The following TSNAXIP1 variants were observed in gnomAD, a reference collection of about 807,000 sequenced individuals.
TSNAXIP1 encodes translin-associated factor X-interacting protein 1.
In TSNAXIP1, 89 loss-of-function variants were observed where a neutral mutation model predicts 84.8. The observed-to-expected ratio is 1.05, with a 90% CI of 0.88 to 1.25. The LOEUF is 1.25. Ranked by LOEUF, TSNAXIP1 falls within the 50% of genes most tolerant of loss-of-function variation. The pLI, the probability that TSNAXIP1 is intolerant of heterozygous loss-of-function variation, is 0.00. For missense variants in TSNAXIP1, 874 were observed against 887.6 expected (o/e 0.98, Z 0.20); for synonymous variants, 347 against 335.2 (o/e 1.04, Z -0.39).
intron 2 of TSNAXIP1, among the ~76,000 whole-genome samples, chr16:67,817,572 G>A (rs952149037): frequency 1.4e-5 from 2 of 146,664 alleles, no homozygotes; most frequent in Non-Finnish European, 3.0e-5. Flanking sequence ...AAGCCACCGC[G>A]CCCGGCCAAG....
intron 1 of TSNAXIP1, among the ~76,000 whole-genome samples, chr16:67,813,470 C>T (rs1598004048): frequency 6.6e-6 from 1 of 151,362 alleles, no homozygotes; most frequent in Non-Finnish European, 1.5e-5. Flanking sequence ...CACAGTGGCT[C>T]ACGCCTGTAA....
Position 67,806,983 on chromosome 16 carries a change from C to T in TSNAXIP1, c.-167C>T, listed in dbSNP as rs1239081510. On this transcript the variant is annotated 5_prime_UTR_variant, in exon 1 of 16. Coordinates refer to ENST00000561639, the MANE Select transcript of TSNAXIP1 (RefSeq NM_001288990.3). Reference sequence around the variant, plus strand: ...GCCGGGTCCCAGTCCACCTTTGCTACTTTGTCCTACTCCCAGCCCGCGGGC... The same window carrying T: ...GCCGGGTCCCAGTCCACCTTTGCTATTTTGTCCTACTCCCAGCCCGCGGGC... 4 of 1,139,026 alleles carry T rather than the reference C, an allele frequency of 3.5e-6. No homozygotes were observed. Among genetic ancestry groups the T allele is most frequent in the Non-Finnish European group, 4.8e-6 (4 of 829,706 alleles). 70.6% of individuals were successfully genotyped at this position (1,139,026 alleles called of 1,614,324 possible).
Position 67,821,222 on chromosome 16 carries a change from G to A in TSNAXIP1, c.384G>A (p.Leu128=), listed in dbSNP as rs2057025045. The change falls in exon 4 of 16, where the codon CTG becomes CTA. Residue 128 remains leucine, a synonymous_variant. Coordinates refer to ENST00000561639, the MANE Select transcript of TSNAXIP1 (RefSeq NM_001288990.3). Reference sequence around the variant, plus strand: ...CAGATTCCACCCAGGAACTAAGGCTGCAGGTCAGAGCCACAGAAGAAACTT... The same window carrying A: ...CAGATTCCACCCAGGAACTAAGGCTACAGGTCAGAGCCACAGAAGAAACTT... ...LGTDSTQELR[L]QPYREIFEFF... is the part of the protein sequence containing the mutation. 1.9e-6 allele frequency: 3 copies of A among 1,574,718 alleles called. No individual in the cohort carries two copies.
At chr16:67,810,922 G>A (rs1471989920) in intron 1 of TSNAXIP1, among the ~76,000 whole-genome samples, 1 of 151,334 alleles carries the variant, frequency 6.6e-6, no homozygotes, top group Non-Finnish European at 1.5e-5. Flanking sequence ...TGTATTTTTA[G>A]TAGACAGGGT....
chr16:67,807,377 A>G (rs2055542266), intron 1 of TSNAXIP1, 181 bp downstream of exon 1: 1 of 1,530,990 alleles, frequency 6.5e-7, no homozygotes, highest in Non-Finnish European at 8.7e-7. Flanking sequence ...GTTACGTGCT[A>G]GCAAAACGGT....
chr16:67,826,900 T>C, intron 12 of TSNAXIP1, 56 bp downstream of exon 12: 2 of 1,612,448 alleles, frequency 1.2e-6, no homozygotes, highest in Non-Finnish European at 1.7e-6. Context: ...GTCCCTAGCA[T>C]AGACCAGCTT....
intron 2 of TSNAXIP1, among the ~76,000 whole-genome samples, chr16:67,816,472 A>T (rs994112780): frequency 1.3e-5 from 2 of 152,124 alleles, no homozygotes; most frequent in Non-Finnish European, 2.9e-5. Flanking sequence ...TTGGAAACAC[A>T]TGGGCCACAC....
chr16:67,807,735 G>T, intron 1 of TSNAXIP1: 1 of 209,740 alleles, frequency 4.8e-6, no homozygotes, highest in Non-Finnish European at 1.0e-5. Context: ...CTCCCACTTC[G>T]ACCTCTCAAA....
rs1190285857 is a variant in TSNAXIP1 at position 67,811,436 on chromosome 16, C to CTTTTTTTTTTT, written c.48-2853_48-2843dup. On this transcript the variant is annotated intron_variant, in intron 1 of 15. Transcript: ENST00000561639. ...AACAGAGTTTGGAGAATTGATTAGT[C>CTTTTTTTTTTT]TTTTTTTTTTTTTTTTTTTTTTTGA... Among the ~76,000 whole-genome samples the CTTTTTTTTTTT allele has an allele frequency of 1.8e-4, 18 of 101,978 alleles. 1 individual carries two copies. Among genetic ancestry groups the CTTTTTTTTTTT allele is most frequent in the African/African-American group, 7.0e-4 (16 of 22,714 alleles). 66.9% of individuals were successfully genotyped at this position (101,978 alleles called of 152,430 possible).
chr16:67,823,594 C>A, intron 4 of TSNAXIP1, 32 bp from the exon 5 acceptor site: 1 of 1,578,792 alleles, frequency 6.3e-7, no homozygotes, highest in Non-Finnish European at 8.7e-7. Flanking sequence ...CAGCTGTGGG[C>A]TAGGAGATGA....
At chr16:67,815,136 C>A (rs1036032602) in intron 2 of TSNAXIP1, among the ~76,000 whole-genome samples, 5 of 151,764 alleles carry the variant, frequency 3.3e-5, no homozygotes, top group Non-Finnish European at 5.9e-5. Flanking sequence ...GCCAACATGG[C>A]GAAACCCCAT....
At position 67,824,697 on chromosome 16, in the gene TSNAXIP1, TCTCCCTG is replaced by T. The variant is rs757936225; in HGVS notation, c.600_606del (p.Leu201ArgfsTer5). Reference sequence around the variant, plus strand: ...ATGAGAGCTGAGGAGAAATATGAAATCTCCCTGCTCAAGAAAGAGAAGATGAACTTGC... The same window carrying T: ...ATGAGAGCTGAGGAGAAATATGAAATCTCAAGAAAGAGAAGATGAACTTGC... On this transcript the variant is annotated frameshift_variant, in exon 6 of 16. Coordinates refer to ENST00000561639, the MANE Select transcript of TSNAXIP1 (RefSeq NM_001288990.3). LOFTEE classifies it high-confidence loss of function. The T allele has an allele frequency of 6.2e-7, 1 of 1,613,632 alleles. No homozygotes were observed. The highest frequency in any genetic ancestry group is 1.7e-5 in the Admixed American group (1 of 59,954).
rs745879511 is a variant in TSNAXIP1 at position 67,824,568 on chromosome 16, C to T, written c.482-15C>T. The stretch of plus-strand genomic sequence containing the variant: ...CCATGGCCCCAAAGCAGCTCTCCCA[C>T]CTGTCTCTGCTTAGCCCACCAAAGG... On this transcript the variant is annotated splice_polypyrimidine_tract_variant and intron_variant, in intron 5 of 15. Transcript: ENST00000561639. The T allele has an allele frequency of 2.5e-6, 4 of 1,611,510 alleles. No individual in the cohort carries two copies. The highest frequency in any genetic ancestry group is 2.2e-5 in the East Asian group (1 of 44,842).
At chr16:67,825,525 C>T (rs983830755) in intron 7 of TSNAXIP1, 142 bp from the exon 8 acceptor site, 1 of 1,274,130 alleles carries the variant, frequency 7.8e-7, no homozygotes, top group Non-Finnish European at 1.1e-6. Flanking sequence ...GTTTCCTGGG[C>T]TTCTAGACTT....
intron 4 of TSNAXIP1, among the ~76,000 whole-genome samples, chr16:67,822,731 C>T (rs2057161161): frequency 6.6e-6 from 1 of 152,188 alleles, no homozygotes; most frequent in Non-Finnish European, 1.5e-5. Context: ...TGTGCAAGTG[C>T]AAGGCCCTGG....
intron 2 of TSNAXIP1, among the ~76,000 whole-genome samples, chr16:67,816,122 C>A (rs1333389261): frequency 4.6e-5 from 7 of 151,940 alleles, no homozygotes. Flanking sequence ...CCCGCCAACA[C>A]ACCTGGCTAA....
intron 1 of TSNAXIP1, chr16:67,807,673 A>G: frequency 1.1e-5 from 3 of 262,742 alleles, no homozygotes; most frequent in South Asian, 1.0e-4. Context: ...TGTAGAGACG[A>G]GGTTTCACCA....
chr16:67,813,768 C>G (rs956169557), intron 1 of TSNAXIP1, among the ~76,000 whole-genome samples: 2 of 147,150 alleles, frequency 1.4e-5, no homozygotes, highest in Admixed American at 1.4e-4. Context: ...GTTGTCTCCA[C>G]TTCTTTGTGA....
At chr16:67,827,632 CT>C in intron 15 of TSNAXIP1, 53 bp downstream of exon 15, 1 of 1,611,836 alleles carries the variant, frequency 6.2e-7, no homozygotes, top group Non-Finnish European at 8.5e-7. Context: ...CCTGAAGCCC[CT>C]GGGTCTCCCT....
Sources: gnomAD v4.1 joint callset for allele counts (sites outside exome capture counted in the v4.1 genomes callset) on GRCh38, gnomAD v4.1.1 for gene constraint, MANE v1.5 for transcripts, NCBI Gene and HGNC (gene_info 2026-07-23, HGNC 2026-07-21) for gene names.